The following RGPD5 variants were observed in gnomAD, a reference collection of about 807,000 sequenced individuals.
RGPD5 encodes the protein RANBP2 like and GRIP domain containing 5, also known as RANBP2-like and GRIP domain-containing protein 5/6.
At chr2:109,760,899 G>A in the RGPD5 span, among the ~76,000 whole-genome samples, 47 of 134,136 alleles carry the variant, frequency 3.5e-4, no homozygotes, top group Admixed American at 1.9e-3. Context: ...TGGGTCGGGG[G>A]CGCCTGCCTC....
the RGPD5 span, among the ~76,000 whole-genome samples, chr2:109,765,308 A>G: frequency 2.7e-5 from 4 of 148,446 alleles, no homozygotes; most frequent in African/African-American, 9.9e-5. Flanking sequence ...CACGTAAGTG[A>G]AACAAGAGCA....
chr2:109,764,361 G>C, the RGPD5 span, among the ~76,000 whole-genome samples: 1 of 145,878 alleles, frequency 6.9e-6, no homozygotes, highest in African/African-American at 2.5e-5. Context: ...TTTTGATTAG[G>C]TGCTAGACAT....
the RGPD5 span, among the ~76,000 whole-genome samples, chr2:109,763,770 G>A: frequency 8.0e-5 from 12 of 150,386 alleles, 1 homozygote; most frequent in East Asian, 2.2e-3. Flanking sequence ...TGGCAAAAGA[G>A]AATCTTATTT....
At chr2:109,763,121 A>G in the RGPD5 span, among the ~76,000 whole-genome samples, 1 of 150,014 alleles carries the variant, frequency 6.7e-6, no homozygotes, top group Non-Finnish European at 1.5e-5. Context: ...AGGGTAAGTA[A>G]GTGGTAGTAG....
chr2:109,777,362 AC>A, the RGPD5 span, among the ~76,000 whole-genome samples: 1 of 146,630 alleles, frequency 6.8e-6, no homozygotes, highest in African/African-American at 2.5e-5. Context: ...CTATTAATAT[AC>A]TTTTATATAC....
At chr2:109,794,602 C>CCGCGGCCCCGGCCCGGCCGGGG (rs1559007035) in intron 1 of RGPD5, 65 bp downstream of exon 1, 1 of 852,466 alleles carries the variant, frequency 1.2e-6, no homozygotes, top group Non-Finnish European at 1.3e-6. Flanking sequence ...GCGGCGGCGG[C>CCGCGGCCCCGGCCCGGCCGGGG]GGCGGCGGGG....
chr2:109,794,707 G>T (rs1160367067), intron 1 of RGPD5, 170 bp downstream of exon 1: 1 of 705,046 alleles, frequency 1.4e-6, no homozygotes, highest in Non-Finnish European at 1.7e-6. Flanking sequence ...CGGCCGGCTG[G>T]CGCAGTCCTG....
At chr2:109,760,879 G>T in the RGPD5 span, among the ~76,000 whole-genome samples, 3 of 135,926 alleles carry the variant, frequency 2.2e-5, no homozygotes, top group Non-Finnish European at 4.7e-5. Flanking sequence ...CGGCCGCCGT[G>T]GGGGTGGGGT....
the RGPD5 span, among the ~76,000 whole-genome samples, chr2:109,778,449 A>G: frequency 4.0e-5 from 6 of 149,906 alleles, no homozygotes; most frequent in African/African-American, 1.5e-4. Context: ...TATTATCTCA[A>G]CAAAGGTGAT....
chr2:109,764,413 T>A, the RGPD5 span, among the ~76,000 whole-genome samples: 4 of 147,816 alleles, frequency 2.7e-5, no homozygotes, highest in African/African-American at 1.0e-4. Context: ...GACCATCCCT[T>A]TTAACAGGCT....
At chr2:109,774,524 A>T in the RGPD5 span, among the ~76,000 whole-genome samples, 1 of 90,636 alleles carries the variant, frequency 1.1e-5, no homozygotes, top group Admixed American at 1.6e-4. Context: ...AATATATATT[A>T]TATATATTAT....
the RGPD5 span, among the ~76,000 whole-genome samples, chr2:109,763,500 G>A: frequency 6.7e-5 from 10 of 150,262 alleles, 1 homozygote; most frequent in South Asian, 2.2e-3. Flanking sequence ...CAGCTTATAA[G>A]GACAGCTCCG....
the RGPD5 span, among the ~76,000 whole-genome samples, chr2:109,778,248 C>T: frequency 7.4e-6 from 1 of 135,482 alleles, no homozygotes; most frequent in African/African-American, 2.9e-5. Context: ...TTCAGCTCCA[C>T]TGTGGGGTAG....
the RGPD5 span, among the ~76,000 whole-genome samples, chr2:109,761,535 G>A: frequency 1.3e-5 from 2 of 148,376 alleles, no homozygotes; most frequent in African/African-American, 4.9e-5. Context: ...CTCACACTGG[G>A]GAGCTGCTGT....
At chr2:109,763,671 A>G in the RGPD5 span, among the ~76,000 whole-genome samples, 2 of 150,496 alleles carry the variant, frequency 1.3e-5, 1 homozygote, top group Admixed American at 1.4e-4. Context: ...TATTAGAGCA[A>G]TATACATTTT....
chr2:109,794,437 C>G lies in RGPD5; in HGVS notation c.-29C>G. 1 of 154,474 alleles carries G rather than the reference C, an allele frequency of 6.5e-6. No individual in the cohort carries two copies. Among genetic ancestry groups the G allele is most frequent in the Non-Finnish European group, 7.2e-6 (1 of 139,750 alleles). The allele number at this position is 154,474 out of a possible 1,614,324, so 9.6% of individuals were successfully genotyped here. A position where few individuals can be genotyped will look rare whatever the true frequency, so the allele number is the denominator to read the frequency against. ...GCTGCGGGGCTGAGCGGTGCTCGCACGCGTCTCGGGAGCCAGGTTGGCGGC... is the reference window on the plus strand; with the variant it reads ...GCTGCGGGGCTGAGCGGTGCTCGCAGGCGTCTCGGGAGCCAGGTTGGCGGC... On this transcript the variant is annotated 5_prime_UTR_variant, in exon 1 of 23. Transcript: ENST00000016946.
At chr2:109,767,660 GA>G in the RGPD5 span, among the ~76,000 whole-genome samples, 2 of 147,864 alleles carry the variant, frequency 1.4e-5, no homozygotes, top group South Asian at 2.3e-4. Context: ...ATTTAGCTGG[GA>G]AGTGGGAATA....
At chr2:109,763,065 A>G in the RGPD5 span, among the ~76,000 whole-genome samples, 6 of 150,066 alleles carry the variant, frequency 4.0e-5, no homozygotes, top group Middle Eastern at 3.4e-3. Flanking sequence ...TGTGTCCAGT[A>G]TTTTCATATC....
At chr2:109,766,673 A>G in the RGPD5 span, among the ~76,000 whole-genome samples, 10 of 147,384 alleles carry the variant, frequency 6.8e-5, no homozygotes, top group African/African-American at 1.3e-4. Flanking sequence ...CAACTTGAAC[A>G]AAGACCTTTG....
Sources: gnomAD v4.1 joint callset for allele counts (sites outside exome capture counted in the v4.1 genomes callset) on GRCh38, gnomAD v4.1.1 for gene constraint, MANE v1.5 for transcripts, NCBI Gene and HGNC (gene_info 2026-07-23, HGNC 2026-07-21) for gene names.